Variants in NR3C2 observed in about 807,000 individuals in gnomAD.
NR3C2 encodes the protein mineralocorticoid receptor.
In NR3C2, 15 loss-of-function variants were observed where a neutral mutation model predicts 86.4. The ratio of observed to expected loss-of-function variants is 0.17; its 90% CI spans 0.12 to 0.27. The LOEUF (loss-of-function observed/expected upper bound fraction) is 0.27. NR3C2 is among the 10% of genes least tolerant of loss of function. The pLI is 1.00. For missense variants in NR3C2, 960 were observed against 1,195.6 expected (o/e 0.80, Z 2.91); for synonymous variants, 458 against 450.5 (o/e 1.02, Z -0.21).
intron 2 of NR3C2, among the ~76,000 whole-genome samples, chr4:148,406,484 A>C (rs1391952551): frequency 1.3e-5 from 2 of 152,110 alleles, no homozygotes; most frequent in African/African-American, 2.4e-5. Context: ...TAATTACCCC[A>C]GGCAGAGAAA....
intron 8 of NR3C2, among the ~76,000 whole-genome samples, chr4:148,109,731 T>G (rs551016341): frequency 2.0e-4 from 30 of 152,294 alleles, no homozygotes; most frequent in African/African-American, 7.0e-4. Flanking sequence ...GCTATCTTAT[T>G]TATTGTTATC....
At chr4:148,410,338 G>A (rs1748633750) in intron 2 of NR3C2, among the ~76,000 whole-genome samples, 1 of 152,148 alleles carries the variant, frequency 6.6e-6, no homozygotes, top group African/African-American at 2.4e-5. Flanking sequence ...TAATAATAAA[G>A]TTTTGAATAC....
At chr4:148,171,437 C>A (rs1735120001) in intron 4 of NR3C2, among the ~76,000 whole-genome samples, 1 of 152,194 alleles carries the variant, frequency 6.6e-6, no homozygotes, top group Non-Finnish European at 1.5e-5. Context: ...ACCTTTTGGG[C>A]ACCAGGGACT....
chr4:148,370,441 A>G (rs1194403023), intron 2 of NR3C2, among the ~76,000 whole-genome samples: 3 of 152,204 alleles, frequency 2.0e-5, no homozygotes, highest in Non-Finnish European at 2.9e-5. Context: ...TTTTCTGTGA[A>G]TGTAATCATG....
At chr4:148,364,938 T>C (rs1303128658) in intron 2 of NR3C2, among the ~76,000 whole-genome samples, 1 of 152,046 alleles carries the variant, frequency 6.6e-6, no homozygotes. Context: ...CTGAAGCTAA[T>C]TTTACACAAT....
intron 3 of NR3C2, among the ~76,000 whole-genome samples, chr4:148,241,305 C>CAAAAAAAAAAAA (rs1374779029): frequency 5.3e-5 from 1 of 18,862 alleles, no homozygotes; most frequent in African/African-American, 2.5e-4. Flanking sequence ...AACTCTGTCT[C>CAAAAAAAAAAAA]AAAAAAAAAA....
intron 2 of NR3C2, among the ~76,000 whole-genome samples, chr4:148,329,925 G>A (rs917359028): frequency 2.0e-5 from 3 of 152,156 alleles, no homozygotes; most frequent in Non-Finnish European, 2.9e-5. Context: ...TGGGTTGTTC[G>A]CTCTAATCAC....
chr4:148,253,736 C>T (rs1343724406), intron 3 of NR3C2, among the ~76,000 whole-genome samples: 1 of 152,058 alleles, frequency 6.6e-6, no homozygotes, highest in Non-Finnish European at 1.5e-5. Flanking sequence ...GGTTTTTTTC[C>T]CCCATAGCCA....
At chr4:148,161,077 T>C (rs1042408289) in intron 4 of NR3C2, among the ~76,000 whole-genome samples, 2 of 136,518 alleles carry the variant, frequency 1.5e-5, no homozygotes, top group African/African-American at 2.5e-5. Context: ...TAAACACCAG[T>C]AGAACTGGGT....
Position 148,210,199 on chromosome 4 carries a change from G to GT in NR3C2, c.1898-15338dup, listed in dbSNP as rs1204202395. ...TAGGTGTTTTTTTGTTTTTGTTTTT[G>GT]TTTTTTTAAGAGATGGAGTCTTGCT... On this transcript the variant is annotated intron_variant, in intron 3 of 8. Transcript: ENST00000358102. Among the ~76,000 whole-genome samples, 5 of 152,000 alleles carry GT rather than the reference G, an allele frequency of 3.3e-5. No homozygotes were observed. The South Asian group carries it at 8.3e-4, about 25-fold the overall frequency.
rs374839889 is a variant in NR3C2, at chr4:148,324,331, C to CTGTGTGTG, written c.1758-64222_1758-64215dup. ...TTTTTTAAGACTGAATAATATTCCT[C>CTGTGTGTG]TGTGTGTGTGTGTGTGTGTGTGTGT... is the stretch of plus-strand genomic sequence containing the variant. On this transcript the variant is annotated intron_variant, in intron 2 of 8. Transcript: ENST00000358102. 6.4e-3 allele frequency among the ~76,000 whole-genome samples: 908 copies of CTGTGTGTG among 141,870 alleles called. 5 individuals are homozygous for CTGTGTGTG. The highest frequency in any genetic ancestry group is 0.011 in the Non-Finnish European group (721 of 65,792). 93.1% of individuals were successfully genotyped at this position (141,870 alleles called of 152,430 possible).
intron 8 of NR3C2, among the ~76,000 whole-genome samples, chr4:148,084,366 C>T (rs1393438001): frequency 6.6e-6 from 1 of 152,190 alleles, no homozygotes; most frequent in African/African-American, 2.4e-5. Context: ...GGCCAATATT[C>T]AACATTCTTA....
intron 2 of NR3C2, among the ~76,000 whole-genome samples, chr4:148,344,564 T>C (rs1182265072): frequency 2.6e-5 from 4 of 152,268 alleles, no homozygotes; most frequent in South Asian, 2.1e-4. Flanking sequence ...CAGCACTCAA[T>C]GAATGTTAGC....
chr4:148,406,512 G>C (rs949648343), intron 2 of NR3C2, among the ~76,000 whole-genome samples: 6 of 152,050 alleles, frequency 3.9e-5, no homozygotes, highest in Admixed American at 1.3e-4. Context: ...ACAAGTGAGA[G>C]TATATACATA....
At chr4:148,136,044 G>A (rs1417318157) in intron 6 of NR3C2, among the ~76,000 whole-genome samples, 2 of 75,398 alleles carry the variant, frequency 2.7e-5, no homozygotes, top group African/African-American at 1.0e-4. Flanking sequence ...GCGACAGAGC[G>A]AGACTCCGTC....
intron 2 of NR3C2, among the ~76,000 whole-genome samples, chr4:148,323,003 T>G (rs990486954): frequency 1.5e-4 from 23 of 150,422 alleles, no homozygotes; most frequent in Non-Finnish European, 2.5e-4. Context: ...TCCCCAACTT[T>G]GTGGTTTTAT....
At chr4:148,273,972 T>G (rs145090721) in intron 2 of NR3C2, among the ~76,000 whole-genome samples, 34 of 152,008 alleles carry the variant, frequency 2.2e-4, no homozygotes, top group African/African-American at 7.2e-4. Context: ...CAGATAAACT[T>G]TGAGGTCTGT....
At chr4:148,084,531 AG>A (rs1397325030) in intron 8 of NR3C2, among the ~76,000 whole-genome samples, 1 of 152,256 alleles carries the variant, frequency 6.6e-6, no homozygotes, top group African/African-American at 2.4e-5. Flanking sequence ...AGACATGGAA[AG>A]GAACAACTAG....
chr4:148,357,713 C>T (rs72656863), intron 2 of NR3C2, among the ~76,000 whole-genome samples: 1 of 152,074 alleles, frequency 6.6e-6, no homozygotes, highest in East Asian at 1.9e-4. Flanking sequence ...CTAAATAATA[C>T]CATATTATAT....
Sources: allele counts gnomAD v4.1 joint callset (sites outside exome capture counted in the v4.1 genomes callset), GRCh38; gene constraint gnomAD v4.1.1; transcripts MANE v1.5; gene names NCBI Gene and HGNC (gene_info 2026-07-23, HGNC 2026-07-21).